SLC35D2: variants seen among roughly 807,000 people sequenced by gnomAD.
SLC35D2 encodes nucleotide sugar transporter SLC35D2.
SLC35D2 carries 43 observed loss-of-function variants against 41.8 expected under a neutral mutation model. The observed-to-expected ratio is 1.03, with a 90% CI of 0.81 to 1.33. SLC35D2 has a LOEUF of 1.33. Ranked by LOEUF, SLC35D2 falls within the 40% of genes most tolerant of loss-of-function variation. The pLI, the probability that SLC35D2 is intolerant of heterozygous loss-of-function variation, is 0.00. For missense variants in SLC35D2, 380 were observed against 408.4 expected, an observed-to-expected ratio of 0.93 and a Z score of 0.60; for synonymous variants, 150 against 163.9, an observed-to-expected ratio of 0.92 and a Z score of 0.65.
chr9:96,359,281 C>A (rs1830167114), intron 4 of SLC35D2, among the ~76,000 whole-genome samples: 1 of 148,192 alleles, frequency 6.7e-6, no homozygotes, highest in South Asian at 2.1e-4. Flanking sequence ...TCACTCTAGC[C>A]TGGGCGACAG....
At chr9:96,325,053 G>C (rs957458150) in intron 9 of SLC35D2, among the ~76,000 whole-genome samples, 1 of 152,206 alleles carries the variant, frequency 6.6e-6, no homozygotes, top group Non-Finnish European at 1.5e-5. Flanking sequence ...GATTGAAATA[G>C]ATTCCACTTG....
intron 1 of SLC35D2, among the ~76,000 whole-genome samples, chr9:96,383,199 A>G (rs66567256): frequency 0.028 from 4,262 of 152,278 alleles, 75 homozygotes; most frequent in Middle Eastern, 0.058. Context: ...CGCTGGGTGT[A>G]TGAAAGAATC....
At chr9:96,358,076 TA>T (rs1185906795) in intron 4 of SLC35D2, among the ~76,000 whole-genome samples, 1 of 87,772 alleles carries the variant, frequency 1.1e-5, no homozygotes, top group South Asian at 3.3e-4. Flanking sequence ...AAATATTATA[TA>T]TTTTATATAT....
At chr9:96,357,629 G>A (rs1372215521) in intron 4 of SLC35D2, 1 of 152,144 alleles carries the variant, frequency 6.6e-6, no homozygotes, top group Non-Finnish European at 1.5e-5. Flanking sequence ...AACATTCTTA[G>A]AAGAAAGTAT....
Position 96,351,190 on chromosome 9 carries a change from T to C in SLC35D2, c.420-19A>G. 1 of 1,540,018 alleles carries C rather than the reference T, an allele frequency of 6.5e-7. No homozygotes were observed. Among genetic ancestry groups the C allele is most frequent in the Non-Finnish European group, 9.0e-7 (1 of 1,113,020 alleles). ...CTGCTTCCTGTAATAAATACACAAATAAGAAAGGAAAGGGAGCAGAGAGGA... is the reference window on the plus strand; with the variant it reads ...CTGCTTCCTGTAATAAATACACAAACAAGAAAGGAAAGGGAGCAGAGAGGA... On this transcript the variant is annotated intron_variant, in intron 5 of 11. Coordinates refer to ENST00000253270, the MANE Select transcript of SLC35D2 (RefSeq NM_007001.3).
chr9:96,318,435 G>C (rs531234998), downstream of SLC35D2, among the ~76,000 whole-genome samples: 1 of 152,092 alleles, frequency 6.6e-6, no homozygotes, highest in Non-Finnish European at 1.5e-5. Flanking sequence ...TACAGCCTGG[G>C]AGACAGAGTG....
intron 1 of SLC35D2, among the ~76,000 whole-genome samples, chr9:96,383,217 G>C (rs1186471242): frequency 2.6e-5 from 4 of 152,202 alleles, no homozygotes; most frequent in African/African-American, 9.7e-5. Context: ...ATCTGTCTGA[G>C]CTCTACCAGC....
chr9:96,316,965 C>T (rs887795317), downstream of SLC35D2, among the ~76,000 whole-genome samples: 2 of 152,012 alleles, frequency 1.3e-5, no homozygotes, highest in African/African-American at 2.4e-5. Context: ...GGTGAAACCC[C>T]GTCTCTACTA....
chr9:96,351,796 T>C (rs918670318), intron 5 of SLC35D2, among the ~76,000 whole-genome samples: 1 of 152,216 alleles, frequency 6.6e-6, no homozygotes, highest in Non-Finnish European at 1.5e-5. Flanking sequence ...TTGGAGTGTT[T>C]CTTTTACTTT....
downstream of SLC35D2, among the ~76,000 whole-genome samples, chr9:96,318,987 C>A (rs1433523429): frequency 6.6e-6 from 1 of 152,030 alleles, no homozygotes; most frequent in Non-Finnish European, 1.5e-5. Flanking sequence ...AATAGAAAGA[C>A]CACAGGATCC....
chr9:96,374,865 TTA>T, intron 1 of SLC35D2, among the ~76,000 whole-genome samples: 1 of 151,922 alleles, frequency 6.6e-6, no homozygotes, highest in Non-Finnish European at 1.5e-5. Flanking sequence ...AAAAATTCAT[TTA>T]TGTTTCTATG....
At chr9:96,363,630 C>T (rs986578064) in intron 3 of SLC35D2, among the ~76,000 whole-genome samples, 22 of 152,170 alleles carry the variant, frequency 1.4e-4, no homozygotes, top group Admixed American at 9.8e-4. Context: ...GAAAAAACTG[C>T]GTATTTCTAT....
intron 9 of SLC35D2, among the ~76,000 whole-genome samples, chr9:96,324,455 G>A (rs1481997080): frequency 1.3e-5 from 2 of 151,824 alleles, no homozygotes; most frequent in African/African-American, 2.4e-5. Context: ...GGAGAACAAG[G>A]TTTAATGACC....
chr9:96,343,979 T>C lies in SLC35D2; in HGVS notation c.609A>G (p.Gly203=), dbSNP rs1249154379. 6.3e-7 allele frequency: 1 copy of C among 1,598,022 alleles called. No homozygotes were observed. The highest frequency in any genetic ancestry group is 8.5e-7 in the Non-Finnish European group (1 of 1,174,022). Residue 203 remains glycine, a synonymous_variant, in exon 8 of 12, where the codon GGA becomes GGG. Transcript: ENST00000253270. ...KMDPKELGKY[G]VLFYNACFMI... ...TGAAGCAGGCATTGTAGAAAAGTAC[T>C]CCGTATTTCCCTAGCTCCTGCAAAA...
At chr9:96,358,469 A>G (rs1830128986) in intron 4 of SLC35D2, among the ~76,000 whole-genome samples, 1 of 152,144 alleles carries the variant, frequency 6.6e-6, no homozygotes, top group Admixed American at 6.6e-5. Flanking sequence ...ATAAGCCACA[A>G]ACTAGGAAAA....
At chr9:96,348,262 G>A (rs541577172) in intron 6 of SLC35D2, among the ~76,000 whole-genome samples, 2 of 152,174 alleles carry the variant, frequency 1.3e-5, no homozygotes, top group Non-Finnish European at 2.9e-5. Context: ...TGAATAAAAT[G>A]TAAGAGAAGG....
At chr9:96,379,897 C>A (rs1478850972) in intron 1 of SLC35D2, among the ~76,000 whole-genome samples, 2 of 145,988 alleles carry the variant, frequency 1.4e-5, no homozygotes, top group Non-Finnish European at 3.0e-5. Flanking sequence ...AAGGCTAGAG[C>A]CTTTTTTTTT....
chr9:96,353,049 A>G (rs1029651549), intron 4 of SLC35D2, among the ~76,000 whole-genome samples: 1 of 151,960 alleles, frequency 6.6e-6, no homozygotes, highest in South Asian at 2.1e-4. Flanking sequence ...CTTGGACCTA[A>G]TTACTTCTTC....
At chr9:96,335,412 T>A (rs1454242883) in intron 9 of SLC35D2, among the ~76,000 whole-genome samples, 1 of 152,098 alleles carries the variant, frequency 6.6e-6, no homozygotes, top group Non-Finnish European at 1.5e-5. Flanking sequence ...CAGGCTGGAG[T>A]GCCGTGGCGC....
Sources: gnomAD v4.1 joint callset for allele counts (sites outside exome capture counted in the v4.1 genomes callset) on GRCh38, gnomAD v4.1.1 for gene constraint, MANE v1.5 for transcripts, NCBI Gene and HGNC (gene_info 2026-07-23, HGNC 2026-07-21) for gene names.